DLGAP2: variants seen among roughly 807,000 people sequenced by gnomAD.
DLGAP2 encodes disks large-associated protein 2.
A neutral mutation model predicts 100.3 loss-of-function variants in DLGAP2; 26 were observed. The ratio of observed to expected loss-of-function variants is 0.26; its 90% CI spans 0.19 to 0.36. The LOEUF (loss-of-function observed/expected upper bound fraction) is 0.36, where lower values mean the gene tolerates loss of function less well. Ranked by LOEUF, DLGAP2 falls within the 10% of genes least tolerant of loss-of-function variation. DLGAP2 has a pLI of 1.00. For missense variants in DLGAP2, 1,858 were observed against 1,453.2 expected (o/e 1.28, Z -4.53); for synonymous variants, 886 against 630.1 (o/e 1.41, Z -6.08).
intron 3 of DLGAP2, among the ~76,000 whole-genome samples, chr8:1,499,451 C>A (rs78342423): frequency 0.016 from 2,449 of 152,288 alleles, 53 homozygotes; most frequent in African/African-American, 0.055. Flanking sequence ...TCACATTACT[C>A]ACACATATGA....
rs115303818 is a variant in DLGAP2 at position 1,437,464 on chromosome 8, C to T, written c.107-63902C>T. Among the ~76,000 whole-genome samples, 244 of 152,286 alleles carry T rather than the reference C, an allele frequency of 1.6e-3. 1 individual carries two copies. The highest frequency in any genetic ancestry group is 5.4e-3 in the African/African-American group (223 of 41,558). On this transcript the variant is annotated intron_variant, in intron 3 of 14. Transcript: ENST00000637795. ...GGTTTGTAGCGTAAGACGATGTTTT[C>T]GGTGAAGCGCTATTTTACCAAATTT...
chr8:1,704,291 A>T lies in DLGAP2; in HGVS notation c.*2885A>T, dbSNP rs1274030912. 6.6e-6 allele frequency: 1 copy of T among 152,216 alleles called. No individual in the cohort carries two copies. Among genetic ancestry groups the T allele is most frequent in the Non-Finnish European group, 1.5e-5 (1 of 68,036 alleles). 9.4% of individuals were successfully genotyped at this position (152,216 alleles called of 1,614,324 possible). On this transcript the variant is annotated 3_prime_UTR_variant, in exon 15 of 15. Transcript: ENST00000637795. ...TAGGAACATCATCCTAGAGAGTGTG[A>T]TGTTCACTATAACCCCATACCTACA... is the stretch of plus-strand genomic sequence containing the variant.
At chr8:1,142,113 G>A (rs994271107) in intron 2 of DLGAP2, among the ~76,000 whole-genome samples, 3 of 151,116 alleles carry the variant, frequency 2.0e-5, no homozygotes, top group East Asian at 1.9e-4. Flanking sequence ...TTAGACAATC[G>A]TTTTTCCTAA....
intron 1 of DLGAP2, among the ~76,000 whole-genome samples, chr8:880,727 C>G (rs1391671312): frequency 2.0e-5 from 3 of 152,260 alleles, no homozygotes; most frequent in African/African-American, 4.8e-5. Flanking sequence ...GACATGGTAT[C>G]TGTGCTGGGG....
chr8:847,521 T>C (rs984826150), intron 1 of DLGAP2, among the ~76,000 whole-genome samples: 3 of 152,282 alleles, frequency 2.0e-5, no homozygotes, highest in African/African-American at 7.2e-5. Context: ...TTTTTTTTCT[T>C]TTTGAGACAA....
intron 2 of DLGAP2, among the ~76,000 whole-genome samples, chr8:1,127,642 C>G (rs1259879599): frequency 6.6e-6 from 1 of 152,222 alleles, no homozygotes; most frequent in East Asian, 1.9e-4. Flanking sequence ...CCCCAGGCCC[C>G]TCCTTTCCCT....
intron 1 of DLGAP2, among the ~76,000 whole-genome samples, chr8:809,576 G>A (rs1048134295): frequency 2.0e-5 from 3 of 152,084 alleles, no homozygotes; most frequent in East Asian, 1.9e-4. Flanking sequence ...GTGGCATTGG[G>A]AAAAGCCATA....
At chr8:1,614,347 C>T (rs1041317956) in intron 6 of DLGAP2, among the ~76,000 whole-genome samples, 1 of 152,204 alleles carries the variant, frequency 6.6e-6, no homozygotes, top group Non-Finnish European at 1.5e-5. Context: ...TCAGTGAACA[C>T]GGAATTACCA....
At chr8:1,576,957 G>A (rs754471870) in intron 6 of DLGAP2, among the ~76,000 whole-genome samples, 2 of 152,056 alleles carry the variant, frequency 1.3e-5, no homozygotes, top group East Asian at 1.9e-4. Context: ...AGCCCACATC[G>A]CCAAGACAAT....
At chr8:807,895 A>G (rs1585885789) in intron 1 of DLGAP2, among the ~76,000 whole-genome samples, 1 of 152,210 alleles carries the variant, frequency 6.6e-6, no homozygotes, top group East Asian at 1.9e-4. Context: ...AGCCGGAGGA[A>G]CATAAAGGGG....
chr8:1,636,410 TAATTC>T (rs1797767174), intron 8 of DLGAP2, among the ~76,000 whole-genome samples: 1 of 152,236 alleles, frequency 6.6e-6, no homozygotes, highest in African/African-American at 2.4e-5. Flanking sequence ...GGGTACATAG[TAATTC>T]CATTTCCAAG....
At chr8:1,427,442 C>T (rs1797267140) in intron 3 of DLGAP2, among the ~76,000 whole-genome samples, 1 of 152,104 alleles carries the variant, frequency 6.6e-6, no homozygotes, top group Non-Finnish European at 1.5e-5. Flanking sequence ...TAATGTAATG[C>T]AGTTGAGTTA....
In DLGAP2 at chr8:1,425,109, G is replaced by A. The variant is rs150594172; in HGVS notation, c.107-76257G>A. Among the ~76,000 whole-genome samples, 74 of 152,220 alleles carry A rather than the reference G, an allele frequency of 4.9e-4. No individual in the cohort carries two copies. In the East Asian group the frequency reaches 0.014, roughly 28 times the overall value. On this transcript the variant is annotated intron_variant, in intron 3 of 14. Transcript: ENST00000637795. ...ACTTGTATAGTATTTTGCCAACTAA[G>A]GTAGTTTTTAAAATTATATTTCAGC...
At chr8:1,166,547 G>A (rs939746703) in intron 2 of DLGAP2, among the ~76,000 whole-genome samples, 3 of 152,082 alleles carry the variant, frequency 2.0e-5, no homozygotes, top group African/African-American at 4.8e-5. Context: ...TTATAGAAGG[G>A]CAGAACATTC....
chr8:1,249,755 G>C (rs1798995244), intron 2 of DLGAP2, among the ~76,000 whole-genome samples: 1 of 152,154 alleles, frequency 6.6e-6, no homozygotes, highest in Non-Finnish European at 1.5e-5. Flanking sequence ...ATTATTCAGG[G>C]GTGGGCCATT....
At chr8:1,038,065 G>T (rs1342527768) in intron 2 of DLGAP2, among the ~76,000 whole-genome samples, 2 of 152,218 alleles carry the variant, frequency 1.3e-5, no homozygotes, top group African/African-American at 4.8e-5. Context: ...CTTTGTCGTT[G>T]GTGTCCTCGG....
intron 3 of DLGAP2, among the ~76,000 whole-genome samples, chr8:1,362,320 G>A (rs1176357039): frequency 1.5e-5 from 2 of 134,524 alleles, no homozygotes; most frequent in African/African-American, 6.6e-5. Context: ...CCTGGGTTTG[G>A]ACCCAGGTCC....
rs1206617541 is a variant in DLGAP2, at chr8:1,701,290, G to A, written c.3052G>A (p.Glu1018Lys). The change falls in exon 15 of 15, where the codon GAA becomes AAA. Residue 1018 changes from glutamate to lysine, a missense_variant. Physicochemically the swap from Glu to Lys is moderately conservative, Grantham distance 56. Transcript: ENST00000637795. Reference sequence around the variant, plus strand: ...GGACCTGCCCGACAGACAACGCCAGGAAGCCCGGAGGCGCCTCATGGCCGC... The same window carrying A: ...GGACCTGCCCGACAGACAACGCCAGAAAGCCCGGAGGCGCCTCATGGCCGC... The part of the protein sequence containing the change: ...SLDLPDRQRQ[E>K]ARRRLMAAKR... 2.5e-6 allele frequency: 4 copies of A among 1,584,844 alleles called. No homozygotes were observed. The highest frequency in any genetic ancestry group is 3.4e-6 in the Non-Finnish European group (4 of 1,166,306).
At chr8:1,362,431 G>A (rs901858124) in intron 3 of DLGAP2, among the ~76,000 whole-genome samples, 13 of 151,448 alleles carry the variant, frequency 8.6e-5, no homozygotes, top group Non-Finnish European at 1.5e-5. Flanking sequence ...AGCGCCCTCG[G>A]GAGGCTCGGT....
Sources: gnomAD v4.1 joint callset for allele counts (sites outside exome capture counted in the v4.1 genomes callset) on GRCh38, gnomAD v4.1.1 for gene constraint, MANE v1.5 for transcripts, NCBI Gene and HGNC (gene_info 2026-07-23, HGNC 2026-07-21) for gene names.